The following CCDC125 variants were observed in gnomAD, a reference collection of about 807,000 sequenced individuals.
CCDC125 encodes coiled-coil domain-containing protein 125.
A neutral mutation model predicts 57.4 loss-of-function variants in CCDC125; 43 were observed. The ratio of observed to expected loss-of-function variants is 0.75; its 90% CI spans 0.59 to 0.97. The LOEUF is 0.97. Ranked by LOEUF, CCDC125 falls within the 50% of genes least tolerant of loss-of-function variation. The probability of loss-of-function intolerance (pLI) is 0.00; values close to 1 mark genes in which losing one functional copy is unlikely to be tolerated. For synonymous variants in CCDC125, 187 were observed against 195.2 expected, an observed-to-expected ratio of 0.96 and a Z score of 0.35; for missense variants, 563 against 595.7, an observed-to-expected ratio of 0.95 and a Z score of 0.57.
chr5:69,329,192 G>T (rs1288031101), intron 1 of CCDC125, among the ~76,000 whole-genome samples: 2 of 151,376 alleles, frequency 1.3e-5, no homozygotes, highest in Admixed American at 1.3e-4. Flanking sequence ...ATTTTTATAT[G>T]GACAGAGTCT....
At chr5:69,312,094 G>A (rs542116860) in intron 3 of CCDC125, among the ~76,000 whole-genome samples, 1 of 152,248 alleles carries the variant, frequency 6.6e-6, no homozygotes, top group South Asian at 2.1e-4. Context: ...AGGGACTCAA[G>A]GTGAGGAGGC....
At chr5:69,278,048 T>G (rs1752292181), downstream of CCDC125, among the ~76,000 whole-genome samples, 1 of 151,960 alleles carries the variant, frequency 6.6e-6, no homozygotes, top group Non-Finnish European at 1.5e-5. Context: ...CTGCCTAATT[T>G]TTTTTATATT....
At chr5:69,319,568 G>A (rs535678592) in intron 2 of CCDC125, among the ~76,000 whole-genome samples, 3 of 148,218 alleles carry the variant, frequency 2.0e-5, no homozygotes, top group East Asian at 2.1e-4. Context: ...TGCAAGCTCC[G>A]CCTCCCGGGT....
In CCDC125 at chr5:69,300,114, C is replaced by T; in HGVS notation, c.714G>A (p.Arg238=). The T allele has an allele frequency of 6.2e-7, 1 of 1,613,754 alleles. No individual in the cohort carries two copies. The stretch of plus-strand genomic sequence containing the variant: ...CAAGCATGGCGAGGGCCTCCAAATA[C>T]CGTTGATTCAAAACTAGGAAGGGCC... ...LKSDNAVLNQ[R]YLEALAMLDI... Residue 238 remains arginine (R), a synonymous_variant, in exon 8 of 12, where the codon CGG becomes CGA. Coordinates refer to ENST00000396496, the MANE Select transcript of CCDC125 (RefSeq NM_176816.5).
intron 3 of CCDC125, chr5:69,313,505 C>T (rs1396446469): frequency 2.1e-5 from 19 of 911,814 alleles, no homozygotes; most frequent in Non-Finnish European, 3.3e-5. Flanking sequence ...TTGTTGATGG[C>T]GTCCTTGGAG....
intron 2 of CCDC125, 98 bp downstream of exon 2, chr5:69,320,139 T>G: frequency 8.3e-7 from 1 of 1,205,590 alleles, no homozygotes. Flanking sequence ...AAAGAAAATC[T>G]AAAATCCAAT....
chr5:69,273,729 C>G, the CCDC125 span, among the ~76,000 whole-genome samples: 1 of 152,120 alleles, frequency 6.6e-6, no homozygotes, highest in African/African-American at 2.4e-5. Flanking sequence ...GATCACAGGT[C>G]TTTATGGAAA....
chr5:69,298,681 G>A (rs2150399174), intron 8 of CCDC125, among the ~76,000 whole-genome samples: 1 of 152,244 alleles, frequency 6.6e-6, no homozygotes, highest in East Asian at 1.9e-4. Flanking sequence ...AGCTGTGTCG[G>A]GGCCCTTGTT....
chr5:69,290,396 A>T (rs1268442827), intron 10 of CCDC125, among the ~76,000 whole-genome samples: 4 of 151,260 alleles, frequency 2.6e-5, no homozygotes, highest in Admixed American at 6.6e-5. Context: ...TCTGCCTTCC[A>T]GGTTCAAGCG....
intron 1 of CCDC125, among the ~76,000 whole-genome samples, chr5:69,326,008 T>C (rs998033253): frequency 1.3e-5 from 2 of 151,936 alleles, no homozygotes; most frequent in Middle Eastern, 3.4e-3. Flanking sequence ...CTTGCCAGGC[T>C]AATTTTTAAT....
chr5:69,313,980 C>G lies in CCDC125; in HGVS notation c.366+5G>C, dbSNP rs1758587338. On this transcript the variant is annotated splice_donor_5th_base_variant and intron_variant, in intron 3 of 11. Coordinates refer to ENST00000396496, the MANE Select transcript of CCDC125 (RefSeq NM_176816.5). ...GATAATTTTTATATTAGCCAGAGTA[C>G]CTACCTCTAAAGTTTCATTAAGACA... 1.3e-6 allele frequency: 2 copies of G among 1,598,826 alleles called. No individual in the cohort carries two copies. The highest frequency in any genetic ancestry group is 2.7e-5 in the African/African-American group (2 of 74,598).
At position 69,327,164 on chromosome 5, in the gene CCDC125, G is replaced by T. The variant is rs998316249; in HGVS notation, c.-41+5485C>A. Among the ~76,000 whole-genome samples the T allele has an allele frequency of 9.4e-5, 14 of 149,376 alleles. No individual in the cohort carries two copies. In the East Asian group the frequency reaches 2.8e-3, roughly 30 times the overall value. On this transcript the variant is annotated intron_variant, in intron 1 of 11. Coordinates refer to ENST00000396496, the MANE Select transcript of CCDC125 (RefSeq NM_176816.5). ...GGCTGGAGTGCCCTGGCGAGATCTC[G>T]GCTCACTGCAAGCTCCGCCTCCCGG...
At chr5:69,318,652 C>T (rs1759526964) in intron 2 of CCDC125, among the ~76,000 whole-genome samples, 1 of 151,508 alleles carries the variant, frequency 6.6e-6, no homozygotes, top group Non-Finnish European at 1.5e-5. Flanking sequence ...ACTCAGGAGG[C>T]TGAGGCAGTA....
Position 69,282,963 on chromosome 5 carries a change from G to C in CCDC125, c.1302C>G (p.Asp434Glu), listed in dbSNP as rs145384207. 2.5e-6 allele frequency: 4 copies of C among 1,613,422 alleles called. No individual in the cohort carries two copies. Among genetic ancestry groups the C allele is most frequent in the Non-Finnish European group, 8.5e-7 (1 of 1,179,872 alleles). Residue 434 changes from aspartate to glutamate, a missense_variant, in exon 12 of 12, where the codon GAC (aspartate) becomes GAG (glutamate). Physicochemically the swap from Asp to Glu is conservative, Grantham distance 45. Coordinates refer to ENST00000396496, the MANE Select transcript of CCDC125 (RefSeq NM_176816.5). Reference protein sequence around the residue: ...VSYMLARALEDKDTASNENKE... With the variant: ...VSYMLARALEEKDTASNENKE... ...TATTCTCGTTTGAAGCAGTGTCTTT[G>C]TCTTCCAATGCCCGAGCAAGCATGT... is the stretch of plus-strand genomic sequence containing the variant.
chr5:69,301,015 C>G (rs972002910), intron 7 of CCDC125, among the ~76,000 whole-genome samples: 1 of 146,708 alleles, frequency 6.8e-6, no homozygotes, highest in Non-Finnish European at 1.5e-5. Context: ...CCTTAACCTC[C>G]CAATCAGCCA....
downstream of CCDC125, among the ~76,000 whole-genome samples, chr5:69,279,202 T>G (rs1361802102): frequency 4.0e-5 from 6 of 149,782 alleles, no homozygotes; most frequent in Admixed American, 6.6e-5. Flanking sequence ...AGGTTTGTTT[T>G]TTTTTTTTTT....
At chr5:69,318,954 T>C (rs1376864908) in intron 2 of CCDC125, among the ~76,000 whole-genome samples, 2 of 151,682 alleles carry the variant, frequency 1.3e-5, no homozygotes, top group Non-Finnish European at 2.9e-5. Context: ...TTTTTTTTTT[T>C]TTGAGACAAA....
rs761861885 is a variant in CCDC125 at position 69,294,853 on chromosome 5, G to A, written c.864C>T (p.Pro288=). The change falls in exon 9 of 12, where the codon CCC becomes CCT. Residue 288 remains proline (P), a synonymous_variant. Transcript: ENST00000396496. ...ACLCHGPGGN[P]CSCARMAAST... is the part of the protein sequence containing the mutation. Reference sequence around the variant, plus strand: ...ATGCTGCCATTCTGGCACAAGAACAGGGGTTCCCTCCGGGCCCATGACAAA... The same window carrying A: ...ATGCTGCCATTCTGGCACAAGAACAAGGGTTCCCTCCGGGCCCATGACAAA... The A allele has an allele frequency of 1.1e-5, 17 of 1,614,192 alleles. No individual in the cohort carries two copies. The highest frequency in any genetic ancestry group is 1.4e-5 in the Non-Finnish European group (17 of 1,180,030).
chr5:69,319,159 C>G (rs932011296), intron 2 of CCDC125, among the ~76,000 whole-genome samples: 1 of 151,998 alleles, frequency 6.6e-6, no homozygotes, highest in East Asian at 1.9e-4. Flanking sequence ...AGCTCCTGAC[C>G]TCAAGTGATC....
Sources: gnomAD v4.1 joint callset for allele counts (sites outside exome capture counted in the v4.1 genomes callset) on GRCh38, gnomAD v4.1.1 for gene constraint, MANE v1.5 for transcripts, NCBI Gene and HGNC (gene_info 2026-07-23, HGNC 2026-07-21) for gene names.